CEP112: variants seen among roughly 807,000 people sequenced by gnomAD.
The protein encoded by CEP112 is centrosomal protein of 112 kDa.
Under a neutral mutation model 153.0 loss-of-function variants are expected in CEP112, and 127 were observed. The ratio of observed to expected loss-of-function variants is 0.83; its 90% CI spans 0.72 to 0.96. CEP112 has a LOEUF of 0.96. Among genes scored for constraint, CEP112 ranks in the 40% least tolerant of loss-of-function variants. The pLI, the probability that CEP112 is intolerant of heterozygous loss-of-function variation, is 0.00. For synonymous variants in CEP112, 358 were observed against 374.4 expected, an observed-to-expected ratio of 0.96 and a Z score of 0.51; for missense variants, 1,089 against 1,101.2, an observed-to-expected ratio of 0.99 and a Z score of 0.16.
chr17:65,713,753 A>AT (rs1192401476), intron 23 of CEP112, among the ~76,000 whole-genome samples: 10 of 151,776 alleles, frequency 6.6e-5, no homozygotes, highest in South Asian at 4.2e-4. Flanking sequence ...CGCCTGGCTA[A>AT]TTTTTTTTGT....
intron 18 of CEP112, among the ~76,000 whole-genome samples, chr17:65,944,348 C>A (rs946175375): frequency 6.6e-6 from 1 of 152,168 alleles, no homozygotes; most frequent in Admixed American, 6.5e-5. Context: ...TTTTAGAAAT[C>A]CATTAATGAA....
At chr17:65,647,659 T>C (rs62867060) in intron 24 of CEP112, among the ~76,000 whole-genome samples, 21,323 of 131,358 alleles carry the variant, frequency 0.16, 1,914 homozygotes, top group East Asian at 0.52. Flanking sequence ...TTTTTTTTTT[T>C]CCCCATATGG....
intron 18 of CEP112, among the ~76,000 whole-genome samples, chr17:65,947,728 T>A (rs2032682): frequency 0.48 from 72,784 of 151,958 alleles, 18,429 homozygotes; most frequent in East Asian, 0.89. Context: ...TAATTATCAT[T>A]ATAGCATCTA....
At chr17:65,734,038 G>A (rs1482408564) in intron 23 of CEP112, among the ~76,000 whole-genome samples, 1 of 152,214 alleles carries the variant, frequency 6.6e-6, no homozygotes, top group African/African-American at 2.4e-5. Flanking sequence ...TCCTGTATGT[G>A]TCTGAGTAGA....
chr17:66,159,184 G>A (rs535233493), intron 4 of CEP112, among the ~76,000 whole-genome samples: 80 of 152,230 alleles, frequency 5.3e-4, no homozygotes, highest in African/African-American at 1.8e-3. Flanking sequence ...CCAATAACAA[G>A]TTCTGAAATT....
At chr17:66,077,728 C>T (rs973362398) in intron 8 of CEP112, among the ~76,000 whole-genome samples, 4 of 152,178 alleles carry the variant, frequency 2.6e-5, no homozygotes, top group Admixed American at 2.0e-4. Context: ...GGAAATTAAT[C>T]ACAAAAAGAT....
intron 21 of CEP112, among the ~76,000 whole-genome samples, chr17:65,820,717 G>A (rs2056488059): frequency 6.6e-6 from 1 of 151,950 alleles, no homozygotes; most frequent in South Asian, 2.1e-4. Context: ...TAAGGTAGTT[G>A]GGGTTGAATA....
At chr17:65,860,059 A>G (rs558420135) in intron 20 of CEP112, among the ~76,000 whole-genome samples, 1 of 151,516 alleles carries the variant, frequency 6.6e-6, no homozygotes, top group East Asian at 1.9e-4. Flanking sequence ...CATAGATGCC[A>G]TGACGGTATA....
chr17:65,811,204 G>A (rs1203019590), intron 21 of CEP112, among the ~76,000 whole-genome samples: 1 of 152,200 alleles, frequency 6.6e-6, no homozygotes, highest in Non-Finnish European at 1.5e-5. Flanking sequence ...AGCCAGGGTT[G>A]GGGATTGCCA....
chr17:66,015,643 A>T (rs1456663853), intron 16 of CEP112, among the ~76,000 whole-genome samples: 1 of 152,334 alleles, frequency 6.6e-6, no homozygotes. Flanking sequence ...AAATAAGAAG[A>T]CTAAAGTCAT....
chr17:65,876,571 C>A (rs1468530546), intron 20 of CEP112, among the ~76,000 whole-genome samples: 1 of 152,088 alleles, frequency 6.6e-6, no homozygotes, highest in Non-Finnish European at 1.5e-5. Context: ...GATGCTGGTA[C>A]TTATTAACCT....
chr17:66,054,929 T>C (rs984600100), intron 11 of CEP112, among the ~76,000 whole-genome samples: 1 of 152,028 alleles, frequency 6.6e-6, no homozygotes, highest in African/African-American at 2.4e-5. Flanking sequence ...GCTAATTTTT[T>C]ATATTTTTAG....
chr17:65,912,131 T>C (rs1466527865), intron 19 of CEP112, among the ~76,000 whole-genome samples: 1 of 152,176 alleles, frequency 6.6e-6, no homozygotes, highest in African/African-American at 2.4e-5. Flanking sequence ...GTTTCACTCA[T>C]CAGTCTTGGA....
intron 21 of CEP112, among the ~76,000 whole-genome samples, chr17:65,752,293 A>G (rs1297994977): frequency 6.6e-6 from 1 of 152,006 alleles, no homozygotes; most frequent in Non-Finnish European, 1.5e-5. Context: ...AATCTTGCAT[A>G]TATGTATGGG....
chr17:65,722,024 C>T (rs1253634228), intron 23 of CEP112, among the ~76,000 whole-genome samples: 2 of 152,108 alleles, frequency 1.3e-5, no homozygotes, highest in African/African-American at 4.8e-5. Flanking sequence ...TTTAGCAGCT[C>T]ACATATATTT....
At chr17:65,858,263 T>C (rs549123936) in intron 20 of CEP112, among the ~76,000 whole-genome samples, 8 of 152,300 alleles carry the variant, frequency 5.3e-5, no homozygotes, top group Non-Finnish European at 8.8e-5. Context: ...CTGGAAAAGT[T>C]TGTAAAAGAC....
At chr17:65,977,567 G>A (rs530514204) in intron 17 of CEP112, among the ~76,000 whole-genome samples, 231 of 152,304 alleles carry the variant, frequency 1.5e-3, no homozygotes, top group Non-Finnish European at 2.8e-3. Flanking sequence ...GCAGAGAAGG[G>A]AAGATGGTCC....
chr17:65,947,045 A>G (rs2061672784), intron 18 of CEP112, among the ~76,000 whole-genome samples: 1 of 152,198 alleles, frequency 6.6e-6, no homozygotes, highest in Non-Finnish European at 1.5e-5. Context: ...ATTTGTATAC[A>G]AAATTTACTT....
At chr17:66,032,124 TCTGAGTATTGGAATTA>T (rs2065513427) in intron 12 of CEP112, among the ~76,000 whole-genome samples, 2 of 152,086 alleles carry the variant, frequency 1.3e-5, no homozygotes, top group South Asian at 4.1e-4. Flanking sequence ...GCCTCAGCCA[TCTGAGTATTGGAATTA>T]CAGGTGCACA....
Sources: gnomAD v4.1 joint callset for allele counts (sites outside exome capture counted in the v4.1 genomes callset) on GRCh38, gnomAD v4.1.1 for gene constraint, MANE v1.5 for transcripts, NCBI Gene and HGNC (gene_info 2026-07-23, HGNC 2026-07-21) for gene names.